The following ERC2 variants were observed in gnomAD, a reference collection of about 807,000 sequenced individuals.
The protein encoded by ERC2 is ERC protein 2.
In ERC2, 42 loss-of-function variants were observed where a neutral mutation model predicts 114.8. That is an observed-to-expected ratio of 0.37 (90% CI 0.29 to 0.47). ERC2 has a LOEUF of 0.47. Ranked by LOEUF, ERC2 falls within the 20% of genes least tolerant of loss-of-function variation. The pLI is 0.99. For missense variants in ERC2, 939 were observed against 1,150.7 expected, an observed-to-expected ratio of 0.82 and a Z score of 2.66; for synonymous variants, 454 against 425.5, an observed-to-expected ratio of 1.07 and a Z score of -0.82.
chr3:56,175,908 A>G (rs2082951568), intron 3 of ERC2, among the ~76,000 whole-genome samples: 1 of 141,998 alleles, frequency 7.0e-6, no homozygotes, highest in Non-Finnish European at 1.6e-5. Context: ...TTTCCAATCA[A>G]TTTGGAGTCA....
chr3:55,981,151 C>A (rs1399580553), intron 12 of ERC2, among the ~76,000 whole-genome samples: 2 of 152,188 alleles, frequency 1.3e-5, no homozygotes, highest in Non-Finnish European at 2.9e-5. Context: ...AATATAGAAC[C>A]CACTTTATGT....
At chr3:55,978,955 T>G (rs1406090983) in intron 12 of ERC2, among the ~76,000 whole-genome samples, 10 of 152,152 alleles carry the variant, frequency 6.6e-5, no homozygotes, top group Non-Finnish European at 1.5e-4. Context: ...CTTTGCGTAT[T>G]TAGGTGGCAG....
At chr3:55,916,570 G>A (rs1576180165) in intron 13 of ERC2, among the ~76,000 whole-genome samples, 1 of 152,106 alleles carries the variant, frequency 6.6e-6, no homozygotes, top group South Asian at 2.1e-4. Context: ...CATGCCTACT[G>A]GTATGTTCTC....
chr3:56,285,519 A>C (rs2054636672), intron 3 of ERC2, among the ~76,000 whole-genome samples: 1 of 152,146 alleles, frequency 6.6e-6, no homozygotes, highest in South Asian at 2.1e-4. Context: ...TCCTAGTAAC[A>C]GGCAGTCTTC....
chr3:56,311,703 A>C (rs1038904051), intron 2 of ERC2, among the ~76,000 whole-genome samples: 1 of 152,058 alleles, frequency 6.6e-6, no homozygotes, highest in Non-Finnish European at 1.5e-5. Flanking sequence ...TGATCTATCG[A>C]ACCCTATGTC....
intron 14 of ERC2, among the ~76,000 whole-genome samples, chr3:55,779,948 C>T (rs2068908899): frequency 6.6e-6 from 1 of 151,712 alleles, no homozygotes; most frequent in African/African-American, 2.4e-5. Flanking sequence ...AGTTTGAGAA[C>T]CACTGATTTA....
At chr3:56,219,434 A>T (rs2049746002) in intron 3 of ERC2, among the ~76,000 whole-genome samples, 1 of 152,152 alleles carries the variant, frequency 6.6e-6, no homozygotes, top group African/African-American at 2.4e-5. Flanking sequence ...TCTGTGGGCT[A>T]CACACTGTGC....
chr3:55,725,355 C>G (rs950392907), intron 15 of ERC2, among the ~76,000 whole-genome samples: 2 of 152,124 alleles, frequency 1.3e-5, no homozygotes, highest in African/African-American at 4.8e-5. Flanking sequence ...CCTTAAAACC[C>G]TAAGAGAAAG....
intron 17 of ERC2, among the ~76,000 whole-genome samples, chr3:55,569,893 T>G (rs58910885): frequency 0.012 from 1,793 of 150,658 alleles, 41 homozygotes; most frequent in African/African-American, 0.041. Context: ...AGACAGAGTT[T>G]ATTACTCAGG....
At chr3:56,230,214 A>C (rs949413729) in intron 3 of ERC2, among the ~76,000 whole-genome samples, 26 of 152,162 alleles carry the variant, frequency 1.7e-4, no homozygotes, top group Non-Finnish European at 2.8e-4. Flanking sequence ...AGCAGAAGAC[A>C]TAATGCTGAT....
chr3:55,695,808 TC>T (rs1200826064), intron 16 of ERC2, among the ~76,000 whole-genome samples: 4 of 152,168 alleles, frequency 2.6e-5, no homozygotes, highest in African/African-American at 9.7e-5. Flanking sequence ...GAACAATATT[TC>T]TTACAGCACA....
intron 13 of ERC2, among the ~76,000 whole-genome samples, chr3:55,947,353 G>C (rs942341370): frequency 2.0e-5 from 3 of 152,128 alleles, no homozygotes; most frequent in Non-Finnish European, 2.9e-5. Context: ...TATTTCTCCA[G>C]GGCTTGTCTC....
At chr3:55,709,168 T>G (rs2063641812) in intron 15 of ERC2, among the ~76,000 whole-genome samples, 1 of 152,072 alleles carries the variant, frequency 6.6e-6, no homozygotes, top group South Asian at 2.1e-4. Context: ...GCGTGAACAT[T>G]CTAGTAGAAC....
At chr3:56,366,563 G>A (rs552058387) in intron 2 of ERC2, among the ~76,000 whole-genome samples, 9 of 152,288 alleles carry the variant, frequency 5.9e-5, no homozygotes, top group Admixed American at 2.6e-4. Context: ...TCTGGGCATT[G>A]AGTTCTTTGG....
At position 55,880,744 on chromosome 3, in the gene ERC2, A is replaced by C. The variant is rs146208355; in HGVS notation, c.2564+7645T>G. ...ATATTTTTAAAATTGGACATGTTAA[A>C]GTTTTTCTCAATAAACTACTGGTTA... On this transcript the variant is annotated intron_variant, in intron 14 of 17. Transcript: ENST00000288221. Among the ~76,000 whole-genome samples, 628 of 152,192 alleles carry C rather than the reference A, an allele frequency of 4.1e-3. 1 individual carries two copies. Among genetic ancestry groups the C allele is most frequent in the African/African-American group, 0.014 (596 of 41,524 alleles).
chr3:55,512,756 C>T (rs1559577531), intron 17 of ERC2, among the ~76,000 whole-genome samples: 1 of 152,098 alleles, frequency 6.6e-6, no homozygotes, highest in Non-Finnish European at 1.5e-5. Context: ...AATACAATGC[C>T]CCACAATTGC....
intron 14 of ERC2, among the ~76,000 whole-genome samples, chr3:55,859,014 C>T (rs1030130998): frequency 3.9e-5 from 6 of 152,188 alleles, no homozygotes; most frequent in African/African-American, 1.4e-4. Context: ...GCACCCTCAG[C>T]ACCTTCCCAT....
chr3:56,004,506 G>A (rs979203648), intron 10 of ERC2, among the ~76,000 whole-genome samples: 3 of 151,988 alleles, frequency 2.0e-5, no homozygotes, highest in African/African-American at 7.2e-5. Flanking sequence ...AATTAACACA[G>A]TATAATAAAG....
chr3:56,317,098 A>G (rs1248209997), intron 2 of ERC2, among the ~76,000 whole-genome samples: 1 of 152,222 alleles, frequency 6.6e-6, no homozygotes, highest in Non-Finnish European at 1.5e-5. Context: ...AGGAGACGCA[A>G]TCACAACAGA....
Sources: allele counts gnomAD v4.1 joint callset (sites outside exome capture counted in the v4.1 genomes callset), GRCh38; gene constraint gnomAD v4.1.1; transcripts MANE v1.5; gene names NCBI Gene and HGNC (gene_info 2026-07-23, HGNC 2026-07-21).